Variants in NRCAM observed in about 807,000 individuals in gnomAD.
NRCAM encodes NgCAM-related cell adhesion molecule.
In NRCAM, 83 loss-of-function variants were observed where a neutral mutation model predicts 156.5. That is an observed-to-expected ratio of 0.53 (90% CI 0.44 to 0.64). The LOEUF (loss-of-function observed/expected upper bound fraction) is 0.64. NRCAM is among the 30% of genes least tolerant of loss of function. The probability of loss-of-function intolerance (pLI) is 0.00; values close to 1 mark genes in which losing one functional copy is unlikely to be tolerated. For missense variants in NRCAM, 1,417 were observed against 1,597.3 expected, an observed-to-expected ratio of 0.89 and a Z score of 1.92; for synonymous variants, 538 against 563.9, an observed-to-expected ratio of 0.95 and a Z score of 0.65.
At chr7:108,306,344 C>T (rs1429860104) in intron 3 of NRCAM, among the ~76,000 whole-genome samples, 1 of 151,974 alleles carries the variant, frequency 6.6e-6, no homozygotes, top group African/African-American at 2.4e-5. Flanking sequence ...AATTTGTTTG[C>T]TTTGCTTTTA....
chr7:108,243,149 C>G (rs991684702), intron 3 of NRCAM: 2 of 152,084 alleles, frequency 1.3e-5, no homozygotes, highest in Non-Finnish European at 2.9e-5. Flanking sequence ...TAAACTGCAC[C>G]ATTAGCCACA....
In NRCAM at chr7:108,342,089, G is replaced by T. The variant is rs546338929; in HGVS notation, c.-173-29358C>A. Among the ~76,000 whole-genome samples the T allele has an allele frequency of 7.4e-4, 112 of 152,264 alleles. 1 individual carries two copies. Among genetic ancestry groups the T allele is most frequent in the South Asian group, 2.7e-3 (13 of 4,812 alleles). On this transcript the variant is annotated intron_variant, in intron 2 of 32. Coordinates refer to ENST00000379028, the MANE Select transcript of NRCAM (RefSeq NM_001037132.4). Reference sequence around the variant, plus strand: ...GACTGTTTTACCCCAAGGGTTCAGGGATAGCCCCCATCTATTTGGCCAGAC... The same window carrying T: ...GACTGTTTTACCCCAAGGGTTCAGGTATAGCCCCCATCTATTTGGCCAGAC...
intron 2 of NRCAM, among the ~76,000 whole-genome samples, chr7:108,320,342 C>A (rs1387711800): frequency 6.6e-6 from 1 of 152,056 alleles, no homozygotes; most frequent in Non-Finnish European, 1.5e-5. Flanking sequence ...CACCTGTGGT[C>A]CCAGCTACTT....
In NRCAM at chr7:108,166,909, T is replaced by C; in HGVS notation, c.3466+12A>G. The stretch of plus-strand genomic sequence containing the variant: ...TGAGCGGGAGCCAGAACAGGTGTGG[T>C]GTGAGCCTCACCTGGGCCTGTCTCA... On this transcript the variant is annotated intron_variant, in intron 30 of 32. Coordinates refer to ENST00000379028, the MANE Select transcript of NRCAM (RefSeq NM_001037132.4). 8 of 1,613,076 alleles carry C rather than the reference T, an allele frequency of 5.0e-6. No homozygotes were observed. The highest frequency in any genetic ancestry group is 6.8e-6 in the Non-Finnish European group (8 of 1,179,380).
chr7:108,242,423 C>T (rs1448595290), intron 3 of NRCAM, among the ~76,000 whole-genome samples: 1 of 152,012 alleles, frequency 6.6e-6, no homozygotes, highest in African/African-American at 2.4e-5. Flanking sequence ...AGCATTGAGA[C>T]ACAGGTATAG....
At chr7:108,300,247 C>T (rs1178587485) in intron 3 of NRCAM, among the ~76,000 whole-genome samples, 2 of 134,346 alleles carry the variant, frequency 1.5e-5, no homozygotes, top group East Asian at 4.6e-4. Flanking sequence ...CTGCTTAGGG[C>T]ATATTTGATT....
At chr7:108,211,882 T>C (rs2084692669) in intron 11 of NRCAM, among the ~76,000 whole-genome samples, 2 of 152,152 alleles carry the variant, frequency 1.3e-5, no homozygotes, top group African/African-American at 4.8e-5. Context: ...TCACCACCAG[T>C]TCCTCTCCAT....
chr7:108,288,584 C>G (rs2098183154), intron 3 of NRCAM, among the ~76,000 whole-genome samples: 1 of 152,022 alleles, frequency 6.6e-6, no homozygotes, highest in African/African-American at 2.4e-5. Context: ...ATTGCATACC[C>G]CTATCTTTAT....
chr7:108,434,049 T>C (rs1597896014), intron 1 of NRCAM, among the ~76,000 whole-genome samples: 1 of 152,200 alleles, frequency 6.6e-6, no homozygotes, highest in Non-Finnish European at 1.5e-5. Flanking sequence ...AAAAAATCAT[T>C]TGATTGCTCT....
At chr7:108,356,183 G>A (rs898564186) in intron 2 of NRCAM, among the ~76,000 whole-genome samples, 1 of 152,090 alleles carries the variant, frequency 6.6e-6, no homozygotes, top group Non-Finnish European at 1.5e-5. Context: ...TCCTGACCTC[G>A]TGATCTGCCT....
chr7:108,157,469 C>A (rs909010194), intron 32 of NRCAM, among the ~76,000 whole-genome samples: 1 of 152,064 alleles, frequency 6.6e-6, no homozygotes, highest in African/African-American at 2.4e-5. Flanking sequence ...TAGAAGAAAA[C>A]AGAAATCATA....
At chr7:108,206,197 G>A (rs574781684) in intron 13 of NRCAM, among the ~76,000 whole-genome samples, 3 of 152,308 alleles carry the variant, frequency 2.0e-5, no homozygotes, top group East Asian at 1.9e-4. Flanking sequence ...AGGCTACAAC[G>A]ACTCAGTCAC....
At chr7:108,325,849 ATTCT>A (rs1316952472) in intron 2 of NRCAM, among the ~76,000 whole-genome samples, 2 of 152,078 alleles carry the variant, frequency 1.3e-5, no homozygotes, top group African/African-American at 2.4e-5. Flanking sequence ...TTAGCTTGAA[ATTCT>A]TTATTTGAAA....
At chr7:108,353,220 G>A (rs2099434820) in intron 2 of NRCAM, among the ~76,000 whole-genome samples, 1 of 152,058 alleles carries the variant, frequency 6.6e-6, no homozygotes, top group African/African-American at 2.4e-5. Context: ...TCTACACTGA[G>A]CACCAGAATG....
chr7:108,225,564 TTAAA>T, intron 10 of NRCAM, 77 bp downstream of exon 10: 4 of 843,352 alleles, frequency 4.7e-6, no homozygotes, highest in Non-Finnish European at 8.3e-6. Flanking sequence ...AGAAATAAGG[TTAAA>T]TAGTCATGGA....
chr7:108,435,033 G>GT (rs1830402962), intron 1 of NRCAM, among the ~76,000 whole-genome samples: 1 of 8,874 alleles, frequency 1.1e-4, no homozygotes, highest in African/African-American at 1.0e-3. Flanking sequence ...ATACATGGTA[G>GT]GAAAAAAAAA....
intron 2 of NRCAM, among the ~76,000 whole-genome samples, chr7:108,318,508 T>A (rs568037451): frequency 6.6e-6 from 1 of 152,220 alleles, no homozygotes; most frequent in Non-Finnish European, 1.5e-5. Context: ...CAAAGTAATA[T>A]CAGGAACGTT....
chr7:108,193,836 T>C (rs923729847), intron 17 of NRCAM, among the ~76,000 whole-genome samples, 188 bp downstream of exon 17: 1 of 152,190 alleles, frequency 6.6e-6, no homozygotes, highest in Non-Finnish European at 1.5e-5. Context: ...GGGTCCTATT[T>C]CAATCACCTG....
At chr7:108,232,543 TAA>T (rs1382147316) in intron 6 of NRCAM, 21 bp from the exon 7 acceptor site, 14 of 1,569,676 alleles carry the variant, frequency 8.9e-6, no homozygotes, top group Non-Finnish European at 9.5e-6. Context: ...CACGAAGTGT[TAA>T]GTGTATTAAT....
Sources: gnomAD v4.1 joint callset for allele counts (sites outside exome capture counted in the v4.1 genomes callset) on GRCh38, gnomAD v4.1.1 for gene constraint, MANE v1.5 for transcripts, NCBI Gene and HGNC (gene_info 2026-07-23, HGNC 2026-07-21) for gene names.